C4orf50: variants seen among roughly 807,000 people sequenced by gnomAD.
C4orf50 encodes the protein uncharacterized protein C4orf50.
Under a neutral mutation model 77.2 loss-of-function variants are expected in C4orf50, and 80 were observed. That is an observed-to-expected ratio of 1.04 (90% CI 0.87 to 1.25). C4orf50 has a LOEUF of 1.25. C4orf50 is among the 50% of genes most tolerant of loss of function. The pLI, the probability that C4orf50 is intolerant of heterozygous loss-of-function variation, is 0.00. For missense variants in C4orf50, 1,257 were observed against 1,152.9 expected, an observed-to-expected ratio of 1.09 and a Z score of -1.31; for synonymous variants, 532 against 465.3, an observed-to-expected ratio of 1.14 and a Z score of -1.84.
chr4:6,004,088 G>A (rs1577991644), intron 25 of C4orf50, among the ~76,000 whole-genome samples: 1 of 95,068 alleles, frequency 1.1e-5, no homozygotes, highest in Non-Finnish European at 2.2e-5. Context: ...ATGTGATAGT[G>A]ATGATGGTGA....
Position 6,018,520 on chromosome 4 carries a change from T to C in C4orf50, c.-89A>G, listed in dbSNP as rs1290168191. 1 of 397,968 alleles carries C rather than the reference T, an allele frequency of 2.5e-6. No individual in the cohort carries two copies. The highest frequency in any genetic ancestry group is 4.4e-6 in the Non-Finnish European group (1 of 226,022). 24.7% of individuals were successfully genotyped at this position (397,968 alleles called of 1,614,324 possible). ...CCCGGAGATTTCAAGGTGGTGTTTG[T>C]GACTTCAGATTGTTCAGGAAAATAT... On this transcript the variant is annotated 5_prime_UTR_variant, in exon 23 of 34. Coordinates refer to ENST00000531445, the Ensembl canonical transcript of C4orf50. This position sits in a 1 kb window ranked among gnomAD's most constrained non-coding sequence, Gnocchi z 5.1.
In C4orf50 at chr4:5,919,433, G is replaced by A. The variant is rs1258553285; in HGVS notation, c.*2475-21245C>T. Among the ~76,000 whole-genome samples the A allele has an allele frequency of 1.3e-5, 2 of 152,090 alleles. No homozygotes were observed. Among genetic ancestry groups the A allele is most frequent in the Non-Finnish European group, 2.9e-5 (2 of 68,004 alleles). Reference sequence around the variant, plus strand: ...GAGGCAGGGGCAGGTGGGGGTGGGGGGCACACCCTTTCCTAAAGGGGACTC... The same window carrying A: ...GAGGCAGGGGCAGGTGGGGGTGGGGAGCACACCCTTTCCTAAAGGGGACTC... On this transcript the variant is annotated intron_variant, in intron 7 of 7. Transcript: ENST00000324058. The surrounding 1 kb of genome is among the most constrained non-coding windows in gnomAD (Gnocchi z 6.5).
Position 5,992,430 on chromosome 4 carries a change from G to C in C4orf50, c.1221+373C>G, listed in dbSNP as rs966845644. Among the ~76,000 whole-genome samples the C allele has an allele frequency of 1.3e-5, 2 of 152,084 alleles. No homozygotes were observed. Among genetic ancestry groups the C allele is most frequent in the Admixed American group, 6.5e-5 (1 of 15,270 alleles). On this transcript the variant is annotated intron_variant, in intron 27 of 33. Transcript: ENST00000531445. This position sits in a 1 kb window ranked among gnomAD's most constrained non-coding sequence, Gnocchi z 5.0. The stretch of plus-strand genomic sequence containing the variant: ...GGGGCAGTGTGGGCCGTCGAGCCTG[G>C]ATCTCGGGGTCCACCTCCAAGCTGG...
chr4:5,950,984 C>A, intron 7 of C4orf50, among the ~76,000 whole-genome samples: 1 of 152,248 alleles, frequency 6.6e-6, no homozygotes, highest in East Asian at 1.9e-4. Flanking sequence ...AGACAAGGTG[C>A]TCAGCCCACA....
rs1345898768 is a variant in C4orf50, at chr4:5,919,418, C to G, written c.*2475-21230G>C. On this transcript the variant is annotated intron_variant, in intron 7 of 7. Transcript: ENST00000324058. The surrounding 1 kb of genome is among the most constrained non-coding windows in gnomAD (Gnocchi z 6.5). ...TGTAGGCAGTGGACTGAGGCAGGGGCAGGTGGGGGTGGGGGGCACACCCTT... is the reference window on the plus strand; with the variant it reads ...TGTAGGCAGTGGACTGAGGCAGGGGGAGGTGGGGGTGGGGGGCACACCCTT... Among the ~76,000 whole-genome samples the G allele has an allele frequency of 7.0e-6, 1 of 143,502 alleles. No individual in the cohort carries two copies. The highest frequency in any genetic ancestry group is 2.6e-5 in the African/African-American group (1 of 38,170). 94.1% of individuals were successfully genotyped at this position (143,502 alleles called of 152,430 possible).
At position 5,900,985 on chromosome 4, in the gene C4orf50, G is replaced by A. The variant is rs182328269; in HGVS notation, c.*2475-2797C>T. 9 of 152,336 alleles carry A rather than the reference G, an allele frequency of 5.9e-5. No homozygotes were observed. In the East Asian group the frequency reaches 1.3e-3, roughly 23 times the overall value. 9.4% of individuals were successfully genotyped at this position (152,336 alleles called of 1,614,324 possible). On this transcript the variant is annotated intron_variant, in intron 7 of 7. Transcript: ENST00000324058. The surrounding 1 kb of genome is among the most constrained non-coding windows in gnomAD (Gnocchi z 4.3). ...TGTCTTGCATTTGTTGCAGCCCATT[G>A]GTCTGCAGAGCGATCAAACCACACT... is the stretch of plus-strand genomic sequence containing the variant.
intron 7 of C4orf50, among the ~76,000 whole-genome samples, chr4:5,914,363 C>T (rs911553184): frequency 6.6e-6 from 1 of 151,822 alleles, no homozygotes; most frequent in African/African-American, 2.4e-5. Flanking sequence ...TGCCACCATG[C>T]CCAGCTAATT....
Position 5,919,944 on chromosome 4 carries a change from C to T in C4orf50, c.*2475-21756G>A, listed in dbSNP as rs142846379. Among the ~76,000 whole-genome samples the T allele has an allele frequency of 1.3e-3, 197 of 152,324 alleles. No individual in the cohort carries two copies. The South Asian group carries it at 0.018, about 14-fold the overall frequency. ...AAGAAAACTTAGTCTGTGTTCAACA[C>T]GCACAGACTTTTCTTGTCATCATTC... On this transcript the variant is annotated intron_variant, in intron 7 of 7. Transcript: ENST00000324058. The surrounding 1 kb of genome is among the most constrained non-coding windows in gnomAD (Gnocchi z 6.5).
In C4orf50 at chr4:6,011,677, G is replaced by T. The variant is rs978888973; in HGVS notation, c.426+153C>A. ...TGCATGCCCCAGGCCCCGCAGTCAC[G>T]CCATGCACCATGAACGTAGGATCTC... On this transcript the variant is annotated intron_variant, in intron 24 of 33. Coordinates refer to ENST00000531445, the Ensembl canonical transcript of C4orf50. This position sits in a 1 kb window ranked among gnomAD's most constrained non-coding sequence, Gnocchi z 4.2. 6.6e-6 allele frequency among the ~76,000 whole-genome samples: 1 copy of T among 152,032 alleles called. No individual in the cohort carries two copies.
chr4:6,001,940 G>T (rs754762629), intron 25 of C4orf50, among the ~76,000 whole-genome samples: 3 of 152,246 alleles, frequency 2.0e-5, no homozygotes, highest in Non-Finnish European at 4.4e-5. Context: ...GCCCTGGGAG[G>T]ACAAAAGAGG....
rs556049875 is a variant in C4orf50 at position 5,917,560 on chromosome 4, C to T, written c.*2475-19372G>A. 3.0e-3 allele frequency among the ~76,000 whole-genome samples: 454 copies of T among 151,698 alleles called. 3 individuals carry two copies. The highest frequency in any genetic ancestry group is 0.01 in the African/African-American group (415 of 41,392). On this transcript the variant is annotated intron_variant, in intron 7 of 7. Coordinates refer to the C4orf50 transcript ENST00000324058. ...TCCTGAGTAGCTGGGACTACAGGCACGCACCACCACATCCAGCTAATTTTT... is the reference window on the plus strand; with the variant it reads ...TCCTGAGTAGCTGGGACTACAGGCATGCACCACCACATCCAGCTAATTTTT...
chr4:5,955,065 C>T (rs550787770), downstream of C4orf50, among the ~76,000 whole-genome samples: 4 of 152,228 alleles, frequency 2.6e-5, no homozygotes, highest in Admixed American at 6.5e-5. This position sits in a 1 kb window ranked among gnomAD's most constrained non-coding sequence, Gnocchi z 5.1. Context: ...CAGCTGTGAG[C>T]GTGTCTCCCT....
In C4orf50 at chr4:6,013,118, A is replaced by C. The variant is rs150188954; in HGVS notation, c.288-1150T>G. Among the ~76,000 whole-genome samples the C allele has an allele frequency of 5.3e-3, 800 of 152,322 alleles. 11 individuals carry two copies. Among genetic ancestry groups the C allele is most frequent in the African/African-American group, 0.018 (757 of 41,580 alleles). ...AAAATAGAGGTCATTAACCTTGTTC[A>C]GTAGGTTTTCATGAAGATTAAATTA... On this transcript the variant is annotated intron_variant, in intron 23 of 33. Coordinates refer to ENST00000531445, the Ensembl canonical transcript of C4orf50.
In C4orf50 at chr4:6,007,896, G is replaced by T. The variant is rs138222557; in HGVS notation, c.963+100C>A. Reference sequence around the variant, plus strand: ...TGGCAGGGTTAAACGGCTGTAGGAAGAGGAGCCCGGGGAATGGATGGGCCA... The same window carrying T: ...TGGCAGGGTTAAACGGCTGTAGGAATAGGAGCCCGGGGAATGGATGGGCCA... On this transcript the variant is annotated intron_variant, in intron 25 of 33. Transcript: ENST00000531445. The surrounding 1 kb of genome is among the most constrained non-coding windows in gnomAD (Gnocchi z 4.1). The T allele has an allele frequency of 2.5e-6, 1 of 398,604 alleles. No individual in the cohort carries two copies. The highest frequency in any genetic ancestry group is 4.4e-5 in the Admixed American group (1 of 22,742). The allele number at this position is 398,604 out of a possible 1,614,324, so 24.7% of individuals were successfully genotyped here.
chr4:5,965,320 A>G (rs75165034), intron 32 of C4orf50, among the ~76,000 whole-genome samples, 175 bp from the exon 11 acceptor site: 2,190 of 152,244 alleles, frequency 0.014, 59 homozygotes, highest in African/African-American at 0.051. Flanking sequence ...CAAGGACCTC[A>G]CCCATACGCC....
At chr4:5,965,197 G>A (rs781646696) in intron 32 of C4orf50, 52 bp from the exon 11 acceptor site, 1 of 1,569,030 alleles carries the variant, frequency 6.4e-7, no homozygotes, top group Non-Finnish European at 8.7e-7. Context: ...TAGGTGAAAA[G>A]TCTACAAGTG....
At chr4:5,976,079 C>T in intron 29 of C4orf50, 124 bp from the exon 8 acceptor site, 1 of 731,734 alleles carries the variant, frequency 1.4e-6, no homozygotes, top group Non-Finnish European at 2.4e-6. Flanking sequence ...CATGGGGACT[C>T]AGTGCCAGGA....
chr4:5,980,753 C>A (rs1344936024), intron 28 of C4orf50, among the ~76,000 whole-genome samples: 1 of 152,150 alleles, frequency 6.6e-6, no homozygotes, highest in Non-Finnish European at 1.5e-5. Context: ...TATACTGAAA[C>A]AGTGTGATGA....
chr4:5,948,751 G>A (rs1485866288), intron 7 of C4orf50, among the ~76,000 whole-genome samples: 3 of 149,690 alleles, frequency 2.0e-5, no homozygotes, highest in Non-Finnish European at 3.0e-5. Flanking sequence ...CTGAGATTGT[G>A]CCACTGCACT....
Sources: allele counts gnomAD v4.1 joint callset (sites outside exome capture counted in the v4.1 genomes callset), GRCh38; gene constraint gnomAD v4.1.1; non-coding constraint Gnocchi (gnomAD v3.1); transcripts MANE v1.5; gene names NCBI Gene and HGNC (gene_info 2026-07-23, HGNC 2026-07-21).